PAPOLA: variants seen among roughly 807,000 people sequenced by gnomAD.
PAPOLA encodes polynucleotide adenylyltransferase alpha.
Under a neutral mutation model 100.6 loss-of-function variants are expected in PAPOLA, and 15 were observed. The ratio of observed to expected loss-of-function variants is 0.15; its 90% CI spans 0.10 to 0.23. The LOEUF is 0.23. PAPOLA is among the 10% of genes least tolerant of loss of function. PAPOLA has a pLI of 1.00. For synonymous variants in PAPOLA, 293 were observed against 300.0 expected, an observed-to-expected ratio of 0.98 and a Z score of 0.24; for missense variants, 533 against 884.2, an observed-to-expected ratio of 0.60 and a Z score of 5.04.
At chr14:96,533,439 A>T in intron 9 of PAPOLA, 1 of 982,068 alleles carries the variant, frequency 1.0e-6, no homozygotes, top group African/African-American at 1.7e-5. Flanking sequence ...GAGGAAAAAT[A>T]AAAAAAATTT....
At position 96,532,337 on chromosome 14, in the gene PAPOLA, G is replaced by A. The variant is rs1899108286; in HGVS notation, c.614G>A (p.Arg205Lys). The change falls in exon 8 of 22, where the codon AGG becomes AAG. Residue 205 changes from arginine (R) to lysine (K), a missense_variant. Transcript: ENST00000216277. ...IRCIRSLNGC[R>K]VTDEILHLVP... is the part of the protein sequence containing the mutation. ...TTTTACCCCTATTAATTAGGTTGCAGGGTAACCGATGAAATTTTACATCTA... is the reference window on the plus strand; with the variant it reads ...TTTTACCCCTATTAATTAGGTTGCAAGGTAACCGATGAAATTTTACATCTA... 6.2e-7 allele frequency: 1 copy of A among 1,610,944 alleles called. No individual in the cohort carries two copies. Among genetic ancestry groups the A allele is most frequent in the African/African-American group, 1.3e-5 (1 of 74,554 alleles).
chr14:96,512,478 A>G (rs1204750127), intron 1 of PAPOLA, among the ~76,000 whole-genome samples: 1 of 152,240 alleles, frequency 6.6e-6, no homozygotes, highest in African/African-American at 2.4e-5. Context: ...GATATCAGCT[A>G]TCTGGGTTCA....
chr14:96,509,945 AGTACCTTTTGTG>A (rs1168331680), intron 1 of PAPOLA, among the ~76,000 whole-genome samples: 1 of 143,952 alleles, frequency 6.9e-6, no homozygotes, highest in Non-Finnish European at 1.5e-5. Context: ...TGTTGTGGCC[AGTACCTTTTGTG>A]GGAGTTGCTT....
chr14:96,508,374 TC>T (rs1896879143), intron 1 of PAPOLA, among the ~76,000 whole-genome samples: 1 of 152,378 alleles, frequency 6.6e-6, no homozygotes, highest in African/African-American at 2.4e-5. Context: ...GAATTGCTGC[TC>T]AGTAAATGTT....
chr14:96,520,386 T>C (rs1056367336), intron 2 of PAPOLA, among the ~76,000 whole-genome samples, 158 bp downstream of exon 2: 7 of 152,132 alleles, frequency 4.6e-5, no homozygotes, highest in Admixed American at 6.5e-5. Flanking sequence ...GAGAAAACTT[T>C]TTGTTTTTGA....
At chr14:96,523,138 T>A (rs1365712430) in intron 3 of PAPOLA, among the ~76,000 whole-genome samples, 1 of 152,168 alleles carries the variant, frequency 6.6e-6, no homozygotes, top group Non-Finnish European at 1.5e-5. Context: ...AAATAAGATT[T>A]TTTTTTTGGT....
chr14:96,549,171 T>C (rs1900630487), intron 16 of PAPOLA, among the ~76,000 whole-genome samples: 1 of 152,336 alleles, frequency 6.6e-6, no homozygotes, highest in Non-Finnish European at 1.5e-5. Flanking sequence ...ATCATTGTTA[T>C]TCACAACTTG....
rs574882509 is a variant in PAPOLA at position 96,504,174 on chromosome 14, G to C, written c.8+1574G>C. 3.3e-5 allele frequency: 5 copies of C among 152,282 alleles called. No individual in the cohort carries two copies. In the South Asian group the frequency reaches 1.0e-3, roughly 32 times the overall value. The allele number at this position is 152,282 out of a possible 1,614,324, so 9.4% of individuals were successfully genotyped here. ...TGCGTTATTAAGTTAACATTTTGCT[G>C]TCTTTGAAAAGGGACTTCTTTTTCT... On this transcript the variant is annotated intron_variant, in intron 1 of 21. Transcript: ENST00000216277.
chr14:96,543,890 G>T lies in PAPOLA; in HGVS notation c.1290-259G>T, dbSNP rs1288564038. Among the ~76,000 whole-genome samples, 5 of 151,848 alleles carry T rather than the reference G, an allele frequency of 3.3e-5. No homozygotes were observed. In the East Asian group the frequency reaches 9.6e-4, roughly 29 times the overall value. On this transcript the variant is annotated intron_variant, in intron 14 of 21. Coordinates refer to ENST00000216277, the MANE Select transcript of PAPOLA (RefSeq NM_032632.5). ...TGATTTCAGTGGCTTTGGTTCTTTA[G>T]AATCATCATTAAGGACATTGACTAT...
intron 15 of PAPOLA, among the ~76,000 whole-genome samples, chr14:96,546,530 A>G (rs1900407720): frequency 6.6e-6 from 1 of 152,060 alleles, no homozygotes; most frequent in Non-Finnish European, 1.5e-5. Context: ...ACCTCCTGTT[A>G]TAAGTTCACA....
At chr14:96,535,401 CAT>C (rs989529932) in intron 10 of PAPOLA, 2 of 979,944 alleles carry the variant, frequency 2.0e-6, no homozygotes, top group Non-Finnish European at 2.4e-6. Context: ...TATCTCCTAA[CAT>C]ATCAACATGG....
intron 1 of PAPOLA, among the ~76,000 whole-genome samples, chr14:96,518,586 T>C (rs540339087): frequency 6.6e-6 from 1 of 152,108 alleles, no homozygotes; most frequent in African/African-American, 2.4e-5. Flanking sequence ...ATTTTTTGTA[T>C]TTTTAGTAGA....
chr14:96,560,240 C>T (rs1347627243), intron 19 of PAPOLA, among the ~76,000 whole-genome samples: 1 of 152,062 alleles, frequency 6.6e-6, no homozygotes, highest in Non-Finnish European at 1.5e-5. Flanking sequence ...GGAGTTCTTT[C>T]TTGATAGAAT....
intron 9 of PAPOLA, chr14:96,533,138 CAAA>C: frequency 1.0e-6 from 1 of 983,134 alleles, no homozygotes; most frequent in Non-Finnish European, 1.2e-6. Context: ...TGCTTCGGGA[CAAA>C]AAAGGAATTT....
chr14:96,534,073 A>G (rs1899308385), intron 9 of PAPOLA: 3 of 991,156 alleles, frequency 3.0e-6, no homozygotes, highest in Non-Finnish European at 3.6e-6. Context: ...AATTATTCAT[A>G]CCCCTTTGCC....
chr14:96,509,700 G>A (rs756081273), intron 1 of PAPOLA, among the ~76,000 whole-genome samples: 3 of 152,132 alleles, frequency 2.0e-5, no homozygotes, highest in Admixed American at 6.5e-5. Flanking sequence ...TTACTGTACC[G>A]AATACTGTAG....
At position 96,547,927 on chromosome 14, in the gene PAPOLA, A is replaced by T. The variant is rs1232780469; in HGVS notation, c.1521+9A>T. The stretch of plus-strand genomic sequence containing the variant: ...TTCAGAAAAAGAAAAAGGTAAATTT[A>T]GAAAGTACTTACAAAAGCATTACTA... On this transcript the variant is annotated intron_variant, in intron 16 of 21. Coordinates refer to ENST00000216277, the MANE Select transcript of PAPOLA (RefSeq NM_032632.5). 1.9e-6 allele frequency: 3 copies of T among 1,595,118 alleles called. No individual in the cohort carries two copies. Among genetic ancestry groups the T allele is most frequent in the Non-Finnish European group, 2.6e-6 (3 of 1,170,822 alleles).
In PAPOLA at chr14:96,560,630, C is replaced by CT. The variant is rs750373066; in HGVS notation, c.2005-9dup. ...AAATTTTTCATTTTAGAGAATAAAG[C>CT]TTTTTTTTTTAAAAACAGGATGAAA... On this transcript the variant is annotated intron_variant, in intron 19 of 21. Coordinates refer to ENST00000216277, the MANE Select transcript of PAPOLA (RefSeq NM_032632.5). The CT allele has an allele frequency of 2.2e-3, 3,082 of 1,412,664 alleles. No individual in the cohort carries two copies. Among genetic ancestry groups the CT allele is most frequent in the Non-Finnish European group, 2.6e-3 (2,624 of 1,026,472 alleles). The allele number at this position is 1,412,664 out of a possible 1,614,324, so 87.5% of individuals were successfully genotyped here. A position where few individuals can be genotyped will look rare whatever the true frequency, so the allele number is the denominator to read the frequency against.
chr14:96,502,713 G>GCC, intron 1 of PAPOLA, 113 bp downstream of exon 1: 1 of 1,211,024 alleles, frequency 8.3e-7, no homozygotes, highest in Non-Finnish European at 1.1e-6. Flanking sequence ...CCTCCCCGCT[G>GCC]GTAGGAGGCA....
Sources: allele counts gnomAD v4.1 joint callset (sites outside exome capture counted in the v4.1 genomes callset), GRCh38; gene constraint gnomAD v4.1.1; transcripts MANE v1.5; gene names NCBI Gene and HGNC (gene_info 2026-07-23, HGNC 2026-07-21).